KCNIP4: variants seen among roughly 807,000 people sequenced by gnomAD.
KCNIP4 encodes potassium voltage-gated channel interacting protein 4.
In KCNIP4, 12 loss-of-function variants were observed where a neutral mutation model predicts 34.0. That is an observed-to-expected ratio of 0.35 (90% CI 0.23 to 0.57). The LOEUF is 0.57. Among genes scored for constraint, KCNIP4 ranks in the 20% least tolerant of loss-of-function variants. The probability of loss-of-function intolerance (pLI) is 0.83; values close to 1 mark genes in which losing one functional copy is unlikely to be tolerated. For synonymous variants in KCNIP4, 124 were observed against 102.2 expected (o/e 1.21, Z -1.29); for missense variants, 238 against 311.7 (o/e 0.76, Z 1.78).
intron 1 of KCNIP4, among the ~76,000 whole-genome samples, chr4:21,076,304 C>T (rs1255976049): frequency 6.6e-6 from 1 of 152,080 alleles, no homozygotes; most frequent in Non-Finnish European, 1.5e-5. Flanking sequence ...ATATCCTCAT[C>T]TCCCACATGA....
chr4:21,351,293 G>A (rs79613005), intron 1 of KCNIP4, among the ~76,000 whole-genome samples: 138 of 152,242 alleles, frequency 9.1e-4, no homozygotes, highest in Non-Finnish European at 1.4e-3. Flanking sequence ...GAGGAACCTG[G>A]TGGGAGGTAA....
At chr4:21,196,363 C>T (rs1384209906) in intron 1 of KCNIP4, among the ~76,000 whole-genome samples, 4 of 152,106 alleles carry the variant, frequency 2.6e-5, no homozygotes, top group African/African-American at 9.7e-5. Context: ...ACCCTTTTGC[C>T]TTTTTGATGG....
chr4:21,098,617 G>A (rs974589744), intron 1 of KCNIP4, among the ~76,000 whole-genome samples: 2 of 152,030 alleles, frequency 1.3e-5, no homozygotes, highest in African/African-American at 4.8e-5. Flanking sequence ...CCTGCTGTTG[G>A]GAACTACTGT....
At chr4:21,036,912 T>G (rs1297208531) in intron 1 of KCNIP4, among the ~76,000 whole-genome samples, 5 of 152,224 alleles carry the variant, frequency 3.3e-5, no homozygotes, top group Admixed American at 2.0e-4. Flanking sequence ...GACCTTTCTG[T>G]GGGACAAAAT....
Position 21,569,234 on chromosome 4 carries a change from T to TAAAAAAAAAAA in KCNIP4, c.61+379326_61+379336dup, listed in dbSNP as rs71191521. Among the ~76,000 whole-genome samples the TAAAAAAAAAAA allele has an allele frequency of 8.7e-3, 220 of 25,180 alleles. 38 individuals are homozygous for TAAAAAAAAAAA. The highest frequency in any genetic ancestry group is 0.017 in the African/African-American group (117 of 7,034). The allele number at this position is 25,180 out of a possible 152,430, so 16.5% of individuals were successfully genotyped here. ...CCCATGCACTAGGACACTGATATTC[T>TAAAAAAAAAAA]AAAAAAAAAAAAAAAAAAAAAAAAA... On this transcript the variant is annotated intron_variant, in intron 1 of 8. Transcript: ENST00000382152.
intron 1 of KCNIP4, among the ~76,000 whole-genome samples, chr4:21,247,038 G>T (rs1259313237): frequency 6.6e-6 from 1 of 152,136 alleles, no homozygotes; most frequent in East Asian, 1.9e-4. Context: ...TGGTTGTAGA[G>T]ATTTTAATAA....
intron 1 of KCNIP4, among the ~76,000 whole-genome samples, chr4:21,184,869 T>C (rs948736116): frequency 6.6e-6 from 1 of 152,180 alleles, no homozygotes; most frequent in Non-Finnish European, 1.5e-5. Context: ...CTCATACTAA[T>C]AATATTTCCA....
In KCNIP4 at chr4:20,882,657, C is replaced by A; in HGVS notation, c.114G>T (p.Met38Ile). 6.2e-7 allele frequency: 1 copy of A among 1,613,436 alleles called. No homozygotes were observed. Among genetic ancestry groups the A allele is most frequent in the African/African-American group, 1.3e-5 (1 of 74,894 alleles). The change falls in exon 2 of 9, where the codon ATG becomes ATT. Residue 38 changes from methionine to isoleucine, a missense_variant. Physicochemically the swap from Met to Ile is conservative, Grantham distance 10. Coordinates refer to ENST00000382152, the MANE Select transcript of KCNIP4 (RefSeq NM_025221.6). ...STKRSIKERL[M>I]KLLPCSAAKT... ...TGGCAGCTGAGCAGGGCAAGAGCTT[C>A]ATGAGCCGCTCTTTAATGCTGCGCT...
intron 3 of KCNIP4, among the ~76,000 whole-genome samples, chr4:20,803,808 G>A (rs761106862): frequency 1.2e-4 from 18 of 151,384 alleles, no homozygotes; most frequent in African/African-American, 1.9e-4. Flanking sequence ...AGAAAGAATC[G>A]AGAATATATT....
At chr4:20,751,358 C>T (rs1369579254) in intron 4 of KCNIP4, among the ~76,000 whole-genome samples, 1 of 152,014 alleles carries the variant, frequency 6.6e-6, no homozygotes, top group Non-Finnish European at 1.5e-5. Context: ...GTTTAATTAC[C>T]ATAAACTTAG....
rs144534053 is a variant in KCNIP4, at chr4:20,841,149, C to T, written c.288+9394G>A. ...TTTTCAAAAAAGCAAATTAACAGCA[C>T]TTCAATTTTACTCAGTAGATGTGGA... On this transcript the variant is annotated intron_variant, in intron 3 of 8. Transcript: ENST00000382152. Among the ~76,000 whole-genome samples the T allele has an allele frequency of 8.6e-3, 1,317 of 152,282 alleles. 10 individuals are homozygous for T. Among genetic ancestry groups the T allele is most frequent in the East Asian group, 0.033 (169 of 5,168 alleles).
At chr4:20,931,176 TACACACACAC>T (rs113547133) in intron 1 of KCNIP4, among the ~76,000 whole-genome samples, 1 of 149,012 alleles carries the variant, frequency 6.7e-6, no homozygotes, top group African/African-American at 2.5e-5. Context: ...GACAATGTGG[TACACACACAC>T]ACACACACAC....
At chr4:20,760,326 A>G (rs951686404) in intron 3 of KCNIP4, among the ~76,000 whole-genome samples, 1 of 152,156 alleles carries the variant, frequency 6.6e-6, no homozygotes, top group Non-Finnish European at 1.5e-5. Context: ...TTAGACATGA[A>G]TATTCTGTGT....
rs141449875 is a variant in KCNIP4, at chr4:21,932,518, C to G, written c.61+16053G>C. 3.5e-4 allele frequency among the ~76,000 whole-genome samples: 54 copies of G among 152,176 alleles called. No individual in the cohort carries two copies. In the South Asian group the frequency reaches 7.0e-3, roughly 20 times the overall value. ...ATTGCTGATAGTTCTTTGCCGCTCA[C>G]TGGTTTGTTTTAGGCTTTAAAGTCT... On this transcript the variant is annotated intron_variant, in intron 1 of 8. Transcript: ENST00000382152.
At chr4:21,586,732 G>A (rs2109083914) in intron 1 of KCNIP4, among the ~76,000 whole-genome samples, 1 of 152,170 alleles carries the variant, frequency 6.6e-6, no homozygotes, top group East Asian at 1.9e-4. Flanking sequence ...GAGAAAGTAT[G>A]TTTAGCTTCC....
chr4:21,655,474 A>T (rs1747847227), intron 1 of KCNIP4, among the ~76,000 whole-genome samples: 1 of 152,178 alleles, frequency 6.6e-6, no homozygotes. Flanking sequence ...TAAGCAACAT[A>T]ACAAAATAAT....
intron 1 of KCNIP4, among the ~76,000 whole-genome samples, chr4:21,613,100 G>A (rs1176405789): frequency 1.3e-5 from 2 of 152,172 alleles, no homozygotes; most frequent in Non-Finnish European, 2.9e-5. Flanking sequence ...ACATGAGGGA[G>A]TAATTGATAT....
At chr4:20,999,162 G>T (rs1411012272) in intron 1 of KCNIP4, among the ~76,000 whole-genome samples, 1 of 152,146 alleles carries the variant, frequency 6.6e-6, no homozygotes. Flanking sequence ...GACAAAGATA[G>T]GAAAAATCTG....
chr4:21,138,062 G>T (rs2109197936), intron 1 of KCNIP4, among the ~76,000 whole-genome samples: 1 of 151,996 alleles, frequency 6.6e-6, no homozygotes, highest in African/African-American at 2.4e-5. Flanking sequence ...AGTAGAGACA[G>T]GGTTTCACCA....
Sources: gnomAD v4.1 joint callset for allele counts (sites outside exome capture counted in the v4.1 genomes callset) on GRCh38, gnomAD v4.1.1 for gene constraint, MANE v1.5 for transcripts, NCBI Gene and HGNC (gene_info 2026-07-23, HGNC 2026-07-21) for gene names.